ADAM29: variants seen among roughly 807,000 people sequenced by gnomAD.
ADAM29 encodes ADAM metallopeptidase domain 29, also known as disintegrin and metalloproteinase domain-containing protein 29.
For synonymous variants in ADAM29, 367 were observed against 342.3 expected, an observed-to-expected ratio of 1.07 and a Z score of -0.80; for missense variants, 969 against 1,001.8, an observed-to-expected ratio of 0.97 and a Z score of 0.44.
Position 174,975,708 on chromosome 4 carries a change from GA to G in ADAM29, c.186del (p.Lys62AsnfsTer6), listed in dbSNP as rs757305784. 9.9e-6 allele frequency: 16 copies of G among 1,611,656 alleles called. No individual in the cohort carries two copies. Among genetic ancestry groups the G allele is most frequent in the Non-Finnish European group, 1.4e-5 (16 of 1,179,014 alleles). ...CCTATATCCTGCCCTTTGGAGGCCA[GA>G]AACACATTATCCACATAAAGGTCAA... Reference protein sequence around the residue: ...LSYILPFGGQKHIIHIKVKKL... With the variant: ...LSYILPFGGQXHIIHIKVKKL... On this transcript the variant is annotated frameshift_variant, in exon 5 of 5. Transcript: ENST00000359240. LOFTEE classifies it low-confidence loss of function (END_TRUNC).
At chr4:174,943,493 T>G (rs946457583) in intron 4 of ADAM29, among the ~76,000 whole-genome samples, 1 of 152,134 alleles carries the variant, frequency 6.6e-6, no homozygotes, top group Non-Finnish European at 1.5e-5. Context: ...GGGAAGCAAG[T>G]AACATCTTAT....
At chr4:174,941,713 A>T (rs1320417602) in intron 4 of ADAM29, among the ~76,000 whole-genome samples, 1 of 152,102 alleles carries the variant, frequency 6.6e-6, no homozygotes, top group Non-Finnish European at 1.5e-5. Context: ...GAGCCAAACC[A>T]TATCACTCTA....
intron 4 of ADAM29, among the ~76,000 whole-genome samples, chr4:174,948,170 A>AT (rs1744959666): frequency 6.6e-6 from 1 of 152,138 alleles, no homozygotes; most frequent in Non-Finnish European, 1.5e-5. Context: ...CATTTCAGCC[A>AT]TTTCAGCTTG....
rs758615679 is a variant in ADAM29 at position 174,976,374 on chromosome 4, T to G, written c.849T>G (p.His283Gln). ...KSENITPRMQHDTSHLFTTLG... is the reference protein window; with the variant it reads ...KSENITPRMQQDTSHLFTTLG... ...AGAACATTACGCCCCGGATGCAACATGACACCTCACATCTTTTCACAACTC... is the reference window on the plus strand; with the variant it reads ...AGAACATTACGCCCCGGATGCAACAGGACACCTCACATCTTTTCACAACTC... The change falls in exon 5 of 5, where the codon CAT becomes CAG. Residue 283 changes from histidine to glutamine, a missense_variant. By Grantham distance (24) the His-to-Gln change is conservative (BLOSUM62 0). Transcript: ENST00000359240. The G allele has an allele frequency of 5.6e-6, 9 of 1,601,690 alleles. No homozygotes were observed. In the South Asian group the frequency reaches 9.1e-5, roughly 16 times the overall value.
At chr4:174,969,328 A>G (rs1044947505) in intron 4 of ADAM29, among the ~76,000 whole-genome samples, 2 of 151,784 alleles carry the variant, frequency 1.3e-5, no homozygotes, top group Non-Finnish European at 2.9e-5. Flanking sequence ...AAAACAAAGT[A>G]AAAATTAAAA....
intron 4 of ADAM29, among the ~76,000 whole-genome samples, chr4:174,974,154 A>G (rs1362767373): frequency 2.0e-5 from 3 of 152,222 alleles, no homozygotes; most frequent in African/African-American, 4.8e-5. Context: ...GGGTGAATCA[A>G]CACACACATG....
At chr4:174,970,702 A>C (rs563109000) in intron 4 of ADAM29, among the ~76,000 whole-genome samples, 1 of 152,274 alleles carries the variant, frequency 6.6e-6, no homozygotes, top group South Asian at 2.1e-4. Context: ...CTAATAGAAA[A>C]GCTAAAAGAA....
Position 174,933,515 on chromosome 4 carries a change from G to C in ADAM29, c.-262+2341G>C, listed in dbSNP as rs536286200. 3.0e-4 allele frequency among the ~76,000 whole-genome samples: 45 copies of C among 152,204 alleles called. No homozygotes were observed. The South Asian group carries it at 9.1e-3, about 31-fold the overall frequency. ...TTTAGGTTCAGGGGTACACGAGCAT[G>C]TTTGCTATATAGGTAAACATATGTC... On this transcript the variant is annotated intron_variant, in intron 3 of 4. Coordinates refer to ENST00000359240, the MANE Select transcript of ADAM29 (RefSeq NM_014269.4).
chr4:174,940,647 A>G (rs1744482213), intron 4 of ADAM29, among the ~76,000 whole-genome samples: 2 of 152,240 alleles, frequency 1.3e-5, no homozygotes, highest in South Asian at 2.1e-4. Flanking sequence ...AGTGACATTA[A>G]TTATGTATTC....
rs753210121 is a variant in ADAM29, at chr4:174,975,956, C to T, written c.431C>T (p.Thr144Met). 136 of 1,613,910 alleles carry T rather than the reference C, an allele frequency of 8.4e-5. No individual in the cohort carries two copies. The highest frequency in any genetic ancestry group is 1.1e-4 in the Non-Finnish European group (133 of 1,180,010). Residue 144 changes from threonine (T) to methionine (M), a missense_variant, in exon 5 of 5, where the codon ACG becomes ATG. Transcript: ENST00000359240. ...ATCAAGCCCCTAGCATTTTCTACCACGTTTGAACATCTGGTATACAAGATG... is the reference window on the plus strand; with the variant it reads ...ATCAAGCCCCTAGCATTTTCTACCATGTTTGAACATCTGGTATACAAGATG... ...YEIKPLAFST[T>M]FEHLVYKMDS...
intron 4 of ADAM29, among the ~76,000 whole-genome samples, chr4:174,965,492 T>TATCTATCTATC (rs1216464701): frequency 2.0e-5 from 3 of 146,702 alleles, no homozygotes; most frequent in Non-Finnish European, 3.1e-5. Flanking sequence ...ATCATCTATC[T>TATCTATCTATC]ATCTATCTAT....
rs1188823988 is a variant in ADAM29 at position 174,977,341 on chromosome 4, A to C, written c.1816A>C (p.Ile606Leu). ...GEVKDGTECG[I>L]DHICIHRHCV... is the part of the protein sequence containing the mutation. ...AGTGAAAGATGGAACAGAGTGTGGG[A>C]TAGATCATATATGCATCCACAGGCA... The change falls in exon 5 of 5, where the codon ATA (isoleucine) becomes CTA (leucine). Residue 606 changes from isoleucine to leucine, a missense_variant. Transcript: ENST00000359240. The C allele has an allele frequency of 6.2e-7, 1 of 1,613,650 alleles. No individual in the cohort carries two copies. Among genetic ancestry groups the C allele is most frequent in the Non-Finnish European group, 8.5e-7 (1 of 1,180,018 alleles).
rs972729345 is a variant in ADAM29, at chr4:174,977,260, A to T, written c.1735A>T (p.Ile579Leu). The T allele has an allele frequency of 2.5e-6, 4 of 1,613,970 alleles. No individual in the cohort carries two copies. In the African/African-American group the frequency reaches 5.3e-5, roughly 22 times the overall value. The change falls in exon 5 of 5, where the codon ATA becomes TTA. Residue 579 changes from isoleucine (I) to leucine (L), a missense_variant. Transcript: ENST00000359240. ...TGTGCATTGGGCTCGCTTCAATGAC[A>T]TAATGTGCTGGAGTACTGATTACCA... is the stretch of plus-strand genomic sequence containing the variant. ...TTVHWARFNDIMCWSTDYHLG... is the reference protein window; with the variant it reads ...TTVHWARFNDLMCWSTDYHLG...
chr4:174,948,333 T>C (rs1579043245), intron 4 of ADAM29, among the ~76,000 whole-genome samples: 1 of 151,944 alleles, frequency 6.6e-6, no homozygotes, highest in Admixed American at 6.6e-5. Context: ...TTGGATGGGG[T>C]ATTTTGCTTT....
chr4:174,936,190 C>G (rs1744186346), intron 3 of ADAM29, among the ~76,000 whole-genome samples: 1 of 151,986 alleles, frequency 6.6e-6, no homozygotes, highest in African/African-American at 2.4e-5. Context: ...CAGCAATCAA[C>G]TTGCATTGCG....
At chr4:174,966,678 G>C (rs1746177355) in intron 4 of ADAM29, among the ~76,000 whole-genome samples, 1 of 152,156 alleles carries the variant, frequency 6.6e-6, no homozygotes, top group African/African-American at 2.4e-5. Flanking sequence ...CCATGGCTCT[G>C]CTGGTCATGG....
chr4:174,947,379 C>G (rs1235606115), intron 4 of ADAM29, among the ~76,000 whole-genome samples: 4 of 152,058 alleles, frequency 2.6e-5, no homozygotes, highest in African/African-American at 7.2e-5. Context: ...GTGTGGGCAT[C>G]TAGCACTAAA....
At chr4:174,929,499 A>G (rs1021033272) in intron 2 of ADAM29, among the ~76,000 whole-genome samples, 2 of 152,098 alleles carry the variant, frequency 1.3e-5, no homozygotes, top group South Asian at 2.1e-4. Flanking sequence ...CAGACTCTCC[A>G]CAAAGGCAGA....
At chr4:174,941,989 G>T (rs1419668632) in intron 4 of ADAM29, among the ~76,000 whole-genome samples, 1 of 152,136 alleles carries the variant, frequency 6.6e-6, no homozygotes, top group African/African-American at 2.4e-5. Flanking sequence ...GAGGCTACAG[G>T]CCCCACGCAA....
Sources: gnomAD v4.1 joint callset for allele counts (sites outside exome capture counted in the v4.1 genomes callset) on GRCh38, gnomAD v4.1.1 for gene constraint, MANE v1.5 for transcripts, NCBI Gene and HGNC (gene_info 2026-07-23, HGNC 2026-07-21) for gene names.